The following MGLL variants were observed in gnomAD, a reference collection of about 807,000 sequenced individuals.
MGLL encodes lysophospholipase homolog.
A neutral mutation model predicts 29.1 loss-of-function variants in MGLL; 7 were observed. The observed-to-expected ratio is 0.24, with a 90% CI of 0.14 to 0.45. MGLL has a LOEUF of 0.45. Among genes scored for constraint, MGLL ranks in the 20% least tolerant of loss-of-function variants. MGLL has a pLI of 0.99. For synonymous variants in MGLL, 148 were observed against 168.3 expected (o/e 0.88, Z 0.93); for missense variants, 356 against 413.6 (o/e 0.86, Z 1.21).
In MGLL at chr3:127,689,601, C is replaced by CG. The variant is rs1466183943; in HGVS notation, c.*2596_*2597insC. 32 of 152,614 alleles carry CG rather than the reference C, an allele frequency of 2.1e-4. No individual in the cohort carries two copies. The highest frequency in any genetic ancestry group is 7.7e-4 in the African/African-American group (32 of 41,478). 9.5% of individuals were successfully genotyped at this position (152,614 alleles called of 1,614,324 possible). On this transcript the variant is annotated 3_prime_UTR_variant, in exon 8 of 8. Coordinates refer to ENST00000265052, the MANE Select transcript of MGLL (RefSeq NM_007283.7). Reference sequence around the variant, plus strand: ...CCCTCCCTGGCCTTTGCCTTCCTCTCACCTTCTCGAGGCCAAGCTGTGCGA... The same window carrying CG: ...CCCTCCCTGGCCTTTGCCTTCCTCTCGACCTTCTCGAGGCCAAGCTGTGCGA...
Position 127,782,700 on chromosome 3 carries a change from A to G in MGLL, c.156-805T>C, listed in dbSNP as rs374246738. Among the ~76,000 whole-genome samples the G allele has an allele frequency of 4.6e-4, 70 of 152,300 alleles. 2 individuals carry two copies. In the South Asian group the frequency reaches 0.014, roughly 30 times the overall value. ...AGAGTCTCCTTCAGGCACGGAGTAA[A>G]TGCCATGAGCGATACCCACCAACTT... On this transcript the variant is annotated intron_variant, in intron 2 of 7. Coordinates refer to ENST00000265052, the MANE Select transcript of MGLL (RefSeq NM_007283.7).
intron 3 of MGLL, chr3:127,736,353 G>T: frequency 4.1e-6 from 4 of 985,930 alleles, no homozygotes; most frequent in Non-Finnish European, 4.8e-6. Flanking sequence ...CTGAAGTCAG[G>T]ATCCCAGAGC....
intron 2 of MGLL, among the ~76,000 whole-genome samples, chr3:127,793,923 G>A (rs1057048329): frequency 2.0e-5 from 3 of 152,210 alleles, no homozygotes; most frequent in African/African-American, 7.2e-5. Context: ...AAGTAAGACT[G>A]TCTTCTATGA....
At chr3:127,802,125 G>A (rs962196234) in intron 2 of MGLL, among the ~76,000 whole-genome samples, 39 of 152,252 alleles carry the variant, frequency 2.6e-4, no homozygotes, top group Non-Finnish European at 4.7e-4. Context: ...TGGGCACCCT[G>A]AGCCAAGCAT....
Position 127,692,285 on chromosome 3 carries a change from A to G in MGLL, c.855T>C (p.Leu285=), listed in dbSNP as rs2075262837. ...GGAAGACGGAGTTGGTGACTTCAGGAAGCTCCTTGTGGAGAACATGGTAGG... is the reference window on the plus strand; with the variant it reads ...GGAAGACGGAGTTGGTGACTTCAGGGAGCTCCTTGTGGAGAACATGGTAGG... ...EGAYHVLHKE[L]PEVTNSVFHE... is the part of the protein sequence containing the mutation. Residue 285 remains leucine (L), a synonymous_variant, in exon 8 of 8, where the codon CTT becomes CTC. Coordinates refer to ENST00000265052, the MANE Select transcript of MGLL (RefSeq NM_007283.7). 6.2e-7 allele frequency: 1 copy of G among 1,614,026 alleles called. No homozygotes were observed. Among genetic ancestry groups the G allele is most frequent in the Non-Finnish European group, 8.5e-7 (1 of 1,179,934 alleles).
At chr3:127,794,609 G>A (rs116566809) in intron 2 of MGLL, among the ~76,000 whole-genome samples, 2 of 152,124 alleles carry the variant, frequency 1.3e-5, no homozygotes, top group African/African-American at 4.8e-5. Flanking sequence ...GTGATGTAAG[G>A]CTATCTTCTG....
At chr3:127,736,391 C>T (rs562551232) in intron 3 of MGLL, 54 of 970,172 alleles carry the variant, frequency 5.6e-5, no homozygotes, top group African/African-American at 7.0e-5. Flanking sequence ...GTTGGGTCAG[C>T]GAAAAAGAGT....
chr3:127,718,971 A>C (rs1241840979), intron 5 of MGLL, among the ~76,000 whole-genome samples: 1 of 152,158 alleles, frequency 6.6e-6, no homozygotes, highest in Non-Finnish European at 1.5e-5. Context: ...TGTCAGCCAA[A>C]ATTGCCAGAG....
intron 5 of MGLL, among the ~76,000 whole-genome samples, chr3:127,718,788 C>T (rs600884): frequency 0.41 from 63,031 of 152,026 alleles, 13,686 homozygotes; most frequent in East Asian, 0.53. Context: ...CTGCATCCTC[C>T]TTCATATCTT....
intron 6 of MGLL, among the ~76,000 whole-genome samples, chr3:127,702,914 C>T (rs1242147079): frequency 1.3e-5 from 2 of 152,136 alleles, no homozygotes; most frequent in Admixed American, 6.5e-5. Context: ...AGGCTGGTCT[C>T]GAACTCCTGA....
chr3:127,792,441 C>T (rs1414694841), intron 2 of MGLL, among the ~76,000 whole-genome samples: 1 of 152,030 alleles, frequency 6.6e-6, no homozygotes, highest in Admixed American at 6.5e-5. Context: ...CAGTGGCTCC[C>T]GCTTGTAATT....
At chr3:127,710,867 T>G in intron 5 of MGLL, 5 of 600,506 alleles carry the variant, frequency 8.3e-6, no homozygotes, top group Non-Finnish European at 6.1e-6. Context: ...CTGGCTCTGC[T>G]CCACCTTGGG....
At chr3:127,764,369 G>A (rs2076819862) in intron 3 of MGLL, among the ~76,000 whole-genome samples, 1 of 152,210 alleles carries the variant, frequency 6.6e-6, no homozygotes, top group Admixed American at 6.5e-5. Context: ...TCAGCACCTT[G>A]TGACTTTACT....
intron 2 of MGLL, among the ~76,000 whole-genome samples, chr3:127,800,036 T>C (rs1319597434): frequency 6.6e-6 from 1 of 152,228 alleles, no homozygotes; most frequent in South Asian, 2.1e-4. Context: ...AGAATATGAA[T>C]AGAAGTGACG....
intron 3 of MGLL, among the ~76,000 whole-genome samples, chr3:127,776,604 C>T (rs1576274403): frequency 1.3e-5 from 2 of 152,204 alleles, no homozygotes; most frequent in African/African-American, 4.8e-5. Context: ...GGCCTTGTGG[C>T]GCCTCTGTCC....
intron 3 of MGLL, among the ~76,000 whole-genome samples, chr3:127,755,748 C>T (rs2076652536): frequency 6.6e-6 from 1 of 152,282 alleles, no homozygotes; most frequent in Admixed American, 6.5e-5. Context: ...ATTACACACT[C>T]ATGTTCCCTC....
chr3:127,759,479 T>C (rs2076725205), intron 3 of MGLL, among the ~76,000 whole-genome samples: 1 of 152,186 alleles, frequency 6.6e-6, no homozygotes, highest in Non-Finnish European at 1.5e-5. Context: ...GCCTCTCTTC[T>C]GAATCACGTG....
intron 6 of MGLL, among the ~76,000 whole-genome samples, chr3:127,700,724 C>G (rs2075462689): frequency 6.6e-6 from 1 of 152,212 alleles, no homozygotes; most frequent in Admixed American, 6.5e-5. Flanking sequence ...CACCTGCTGG[C>G]CAAGACAGTG....
intron 3 of MGLL, among the ~76,000 whole-genome samples, chr3:127,770,588 T>C (rs1576263214): frequency 6.6e-6 from 1 of 151,868 alleles, no homozygotes; most frequent in Admixed American, 6.6e-5. Flanking sequence ...AGCCGTGGCA[T>C]GGGTTGGTCA....
Sources: allele counts gnomAD v4.1 joint callset (sites outside exome capture counted in the v4.1 genomes callset), GRCh38; gene constraint gnomAD v4.1.1; transcripts MANE v1.5; gene names NCBI Gene and HGNC (gene_info 2026-07-23, HGNC 2026-07-21).